The following RPGRIP1L variants were observed in gnomAD, a reference collection of about 807,000 sequenced individuals.
RPGRIP1L encodes the protein protein fantom.
In RPGRIP1L, 131 loss-of-function variants were observed where a neutral mutation model predicts 160.4. The observed-to-expected ratio is 0.82, with a 90% CI of 0.71 to 0.94. RPGRIP1L has a LOEUF of 0.94. Among genes scored for constraint, RPGRIP1L ranks in the 40% least tolerant of loss-of-function variants. RPGRIP1L has a pLI of 0.00. For missense variants in RPGRIP1L, 1,522 were observed against 1,535.8 expected, an observed-to-expected ratio of 0.99 and a Z score of 0.15; for synonymous variants, 510 against 515.8, an observed-to-expected ratio of 0.99 and a Z score of 0.15.
At chr16:53,691,667 A>G (rs1421100370) in intron 4 of RPGRIP1L, among the ~76,000 whole-genome samples, 2 of 152,188 alleles carry the variant, frequency 1.3e-5, no homozygotes, top group Non-Finnish European at 2.9e-5. Flanking sequence ...AGATTTCAAC[A>G]CTTTTGCAAA....
intron 22 of RPGRIP1L, among the ~76,000 whole-genome samples, chr16:53,631,352 G>C (rs1567813996): frequency 6.6e-6 from 1 of 152,138 alleles, no homozygotes; most frequent in African/African-American, 2.4e-5. Flanking sequence ...CTAGGAGTAG[G>C]AACAGAGAAA....
chr16:53,670,820 C>T (rs888699022), intron 9 of RPGRIP1L, among the ~76,000 whole-genome samples: 8 of 152,074 alleles, frequency 5.3e-5, no homozygotes, highest in Admixed American at 2.0e-4. Context: ...ATGGGCTGGG[C>T]GCAGTGGCTC....
intron 6 of RPGRIP1L, among the ~76,000 whole-genome samples, chr16:53,681,129 G>C (rs1969572179): frequency 6.6e-6 from 1 of 151,932 alleles, no homozygotes; most frequent in Non-Finnish European, 1.5e-5. Context: ...TGAAAGCCAA[G>C]GCATGGCGCA....
intron 2 of RPGRIP1L, among the ~76,000 whole-genome samples, chr16:53,697,998 G>A (rs1970947801): frequency 6.6e-6 from 1 of 150,890 alleles, no homozygotes; most frequent in East Asian, 2.0e-4. Context: ...GATGTGGGGA[G>A]CGCCTTTGCC....
At chr16:53,623,566 T>G (rs1017932389) in intron 22 of RPGRIP1L, among the ~76,000 whole-genome samples, 1 of 152,232 alleles carries the variant, frequency 6.6e-6, no homozygotes, top group Non-Finnish European at 1.5e-5. Context: ...GCTCAGTTTT[T>G]GCATCTGTTA....
intron 26 of RPGRIP1L, 72 bp downstream of exon 26, chr16:53,605,409 G>C (rs1567788637): frequency 3.8e-6 from 6 of 1,570,042 alleles, no homozygotes; most frequent in Non-Finnish European, 5.3e-6. Flanking sequence ...CCAGCAAAAA[G>C]AAGGTTTTAA....
chr16:53,696,165 C>A lies in RPGRIP1L; in HGVS notation c.216G>T (p.Glu72Asp). The change falls in exon 3 of 27, where the codon GAG (glutamate) becomes GAT (aspartate). Residue 72 changes from glutamate to aspartate, a missense_variant. By Grantham distance (45) the Glu-to-Asp change is conservative (BLOSUM62 2). Transcript: ENST00000647211. The stretch of plus-strand genomic sequence containing the variant: ...TTTATCATAACCTTTTAATTTTATC[C>A]TCCTGCTTGCGGGCATGCTGTTTAA... ...ILLKQHARKQ[E>D]DKIKRMATKL... The A allele has an allele frequency of 6.2e-7, 1 of 1,613,788 alleles. No homozygotes were observed. The highest frequency in any genetic ancestry group is 1.1e-5 in the South Asian group (1 of 91,064).
chr16:53,657,782 T>C, intron 12 of RPGRIP1L, 150 bp from the exon 13 acceptor site: 4 of 579,124 alleles, frequency 6.9e-6, no homozygotes, highest in Non-Finnish European at 1.2e-5. Context: ...CTGATATATA[T>C]ATCAGGACTG....
chr16:53,645,416 G>A (rs1598308804), intron 17 of RPGRIP1L, among the ~76,000 whole-genome samples: 1 of 151,596 alleles, frequency 6.6e-6, no homozygotes, highest in South Asian at 2.1e-4. Context: ...ATTCCATTAA[G>A]TTAGTATTAA....
chr16:53,678,454 G>A (rs1297479624), intron 6 of RPGRIP1L, among the ~76,000 whole-genome samples: 1 of 152,062 alleles, frequency 6.6e-6, no homozygotes, highest in East Asian at 1.9e-4. Context: ...AACTTTCAGC[G>A]GAGCTATGTA....
Position 53,672,939 on chromosome 16 carries a change from C to A in RPGRIP1L, c.960G>T (p.Gln320His). 1 of 1,613,142 alleles carries A rather than the reference C, an allele frequency of 6.2e-7. No homozygotes were observed. Among genetic ancestry groups the A allele is most frequent in the Non-Finnish European group, 8.5e-7 (1 of 1,179,426 alleles). ...TCTCAAGACTGCAGCATTTTAAACG[C>A]TGCTCTTTAAGTTGCATGTTTAATT... ...GDELNMQLKE[Q>H]RLKCCSLEKQ... The change falls in exon 8 of 27, where the codon CAG becomes CAT. Residue 320 changes from glutamine (Q) to histidine (H), a missense_variant. Coordinates refer to ENST00000647211, the MANE Select transcript of RPGRIP1L (RefSeq NM_015272.5).
At chr16:53,659,225 T>C in intron 10 of RPGRIP1L, 1 of 963,870 alleles carries the variant, frequency 1.0e-6, no homozygotes, top group Non-Finnish European at 1.2e-6. Flanking sequence ...TTATTAAGGC[T>C]CCTGAAAAGC....
intron 22 of RPGRIP1L, among the ~76,000 whole-genome samples, chr16:53,623,530 A>G (rs1165410955): frequency 2.6e-5 from 4 of 152,178 alleles, no homozygotes; most frequent in Non-Finnish European, 5.9e-5. Flanking sequence ...CCACTCCTTT[A>G]AACTCATGGT....
intron 23 of RPGRIP1L, 96 bp from the exon 24 acceptor site, chr16:53,619,304 C>G (rs891431466): frequency 1.7e-6 from 2 of 1,144,406 alleles, no homozygotes; most frequent in Non-Finnish European, 2.6e-6. Context: ...AAATAAAACA[C>G]GAAGGCCAAT....
chr16:53,661,966 G>A (rs1035585794), intron 10 of RPGRIP1L, among the ~76,000 whole-genome samples: 10 of 151,822 alleles, frequency 6.6e-5, no homozygotes, highest in Non-Finnish European at 1.3e-4. Flanking sequence ...ATAACTCCTG[G>A]GTCTTTAAAA....
At chr16:53,678,604 TA>T (rs1567871481) in intron 6 of RPGRIP1L, among the ~76,000 whole-genome samples, 1 of 151,328 alleles carries the variant, frequency 6.6e-6, no homozygotes, top group Non-Finnish European at 1.5e-5. Context: ...TTATGAAAGC[TA>T]AAAAAAAGCT....
intron 25 of RPGRIP1L, among the ~76,000 whole-genome samples, chr16:53,607,449 A>T (rs1046390324): frequency 1.1e-4 from 16 of 152,236 alleles, no homozygotes; most frequent in African/African-American, 3.9e-4. Flanking sequence ...AGGAATGATT[A>T]TGAAAGAAGT....
intron 23 of RPGRIP1L, among the ~76,000 whole-genome samples, chr16:53,620,771 G>GA (rs138218753): frequency 0.013 from 1,973 of 152,264 alleles, 24 homozygotes; most frequent in African/African-American, 0.035. Context: ...TCTCACTTCA[G>GA]AAAACCCCTT....
intron 2 of RPGRIP1L, 46 bp from the exon 3 acceptor site, chr16:53,696,341 T>C: frequency 6.3e-7 from 1 of 1,595,996 alleles, no homozygotes; most frequent in African/African-American, 1.3e-5. Context: ...CTTAAAATAG[T>C]CTCTAGAAAC....
Sources: gnomAD v4.1 joint callset for allele counts (sites outside exome capture counted in the v4.1 genomes callset) on GRCh38, gnomAD v4.1.1 for gene constraint, MANE v1.5 for transcripts, NCBI Gene and HGNC (gene_info 2026-07-23, HGNC 2026-07-21) for gene names.